Variants in CYTH4 observed in about 807,000 individuals in gnomAD.
The protein encoded by CYTH4 is cytohesin 4, also known as cytohesin-4.
A neutral mutation model predicts 57.5 loss-of-function variants in CYTH4; 22 were observed. The ratio of observed to expected loss-of-function variants is 0.38; its 90% confidence interval spans 0.27 to 0.55. The LOEUF (loss-of-function observed/expected upper bound fraction) is 0.55, where lower values mean the gene tolerates loss of function less well. Among genes scored for constraint, CYTH4 ranks in the 20% least tolerant of loss-of-function variants. The pLI is 0.74. For missense variants in CYTH4, 420 were observed against 535.6 expected, an observed-to-expected ratio of 0.78 and a Z score of 2.13; for synonymous variants, 186 against 206.5, an observed-to-expected ratio of 0.90 and a Z score of 0.85.
In CYTH4 at chr22:37,314,596, G is replaced by A. The variant is rs775341823; in HGVS notation, c.*1085G>A. On this transcript the variant is annotated 3_prime_UTR_variant, in exon 13 of 13. Transcript: ENST00000248901. ...GTCCCATGGTGATAAAGGGCAGCCC[G>A]GCGGGTCCCAGCATCTCGAGACCCT... 14 of 395,730 alleles carry A rather than the reference G, an allele frequency of 3.5e-5. No homozygotes were observed. Among genetic ancestry groups the A allele is most frequent in the African/African-American group, 2.5e-4 (12 of 48,692 alleles). 24.5% of individuals were successfully genotyped at this position (395,730 alleles called of 1,614,324 possible). A position where few individuals can be genotyped will look rare whatever the true frequency, so the allele number is the denominator to read the frequency against.
Position 37,314,377 on chromosome 22 carries a change from G to C in CYTH4, c.*866G>C. On this transcript the variant is annotated 3_prime_UTR_variant, in exon 13 of 13. Transcript: ENST00000248901. ...AGGTGGGACCCTCAAGAAAATGACG[G>C]AGAACATCCCAGACAGATGGGACTC... is the stretch of plus-strand genomic sequence containing the variant. 1 of 398,762 alleles carries C rather than the reference G, an allele frequency of 2.5e-6. No homozygotes were observed. The highest frequency in any genetic ancestry group is 2.1e-5 in the African/African-American group (1 of 48,752). The allele number at this position is 398,762 out of a possible 1,614,324, so 24.7% of individuals were successfully genotyped here.
chr22:37,296,316 G>A lies in CYTH4; in HGVS notation c.234+251G>A, dbSNP rs1928966570. The A allele has an allele frequency of 5.7e-6, 3 of 530,644 alleles. No individual in the cohort carries two copies. In the East Asian group the frequency reaches 1.0e-4, roughly 18 times the overall value. The allele number at this position is 530,644 out of a possible 1,614,324, so 32.9% of individuals were successfully genotyped here. ...GGAGGCCACGGTGTCCATGCACTTG[G>A]CCTAGTCCCTTCCCCACTCTGGGCC... On this transcript the variant is annotated intron_variant, in intron 4 of 12. Transcript: ENST00000248901.
intron 1 of CYTH4, 141 bp from the exon 2 acceptor site, chr22:37,292,479 CA>C (rs1760745347): frequency 5.3e-6 from 4 of 752,170 alleles, no homozygotes; most frequent in Non-Finnish European, 9.0e-6. Flanking sequence ...ACAGGGCAGT[CA>C]GGGGAGGCTT....
chr22:37,312,195 G>C (rs1601713208), intron 12 of CYTH4, 21 bp downstream of exon 12: 1 of 1,607,232 alleles, frequency 6.2e-7, no homozygotes. Context: ...CCCAGGTCTG[G>C]GGACGGCTTC....
rs2145857310 is a variant in CYTH4 at position 37,292,397 on chromosome 22, G to C, written c.20-224G>C. On this transcript the variant is annotated intron_variant, in intron 1 of 12. Coordinates refer to ENST00000248901, the MANE Select transcript of CYTH4 (RefSeq NM_013385.5). ...AGATGCAAGGAAACAGGATCCTTTT[G>C]GGGGTGTCTATCCAGGGGGGTGGGA... 3 of 537,748 alleles carry C rather than the reference G, an allele frequency of 5.6e-6. No individual in the cohort carries two copies. In the South Asian group the frequency reaches 7.7e-5, roughly 14 times the overall value. 33.3% of individuals were successfully genotyped at this position (537,748 alleles called of 1,614,324 possible). A position where few individuals can be genotyped will look rare whatever the true frequency, so the allele number is the denominator to read the frequency against.
intron 6 of CYTH4, chr22:37,300,156 C>T (rs965724777): frequency 1.3e-5 from 9 of 717,444 alleles, no homozygotes; most frequent in African/African-American, 7.0e-5. Flanking sequence ...AACTCAGATT[C>T]CGAGAAGGAG....
At chr22:37,285,718 C>G (rs1928534036) in intron 1 of CYTH4, among the ~76,000 whole-genome samples, 1 of 152,066 alleles carries the variant, frequency 6.6e-6, no homozygotes, top group Non-Finnish European at 1.5e-5. Flanking sequence ...CTCAAACAAA[C>G]AAACAAACAA....
At chr22:37,286,287 TCC>T (rs1340105999) in intron 1 of CYTH4, among the ~76,000 whole-genome samples, 3 of 152,110 alleles carry the variant, frequency 2.0e-5, no homozygotes, top group Non-Finnish European at 4.4e-5. Context: ...CAGATGTGAA[TCC>T]CAGCTCTGCC....
chr22:37,287,022 A>G (rs1928584696), intron 1 of CYTH4, among the ~76,000 whole-genome samples: 1 of 152,166 alleles, frequency 6.6e-6, no homozygotes, highest in Admixed American at 6.5e-5. Flanking sequence ...GGTGGGAGTC[A>G]GAGTGCCTCC....
At chr22:37,290,259 T>G (rs1165971571) in intron 1 of CYTH4, among the ~76,000 whole-genome samples, 1 of 152,188 alleles carries the variant, frequency 6.6e-6, no homozygotes, top group Non-Finnish European at 1.5e-5. Context: ...TGATGTCAAC[T>G]TGGATCCTGT....
intron 8 of CYTH4, among the ~76,000 whole-genome samples, chr22:37,303,627 C>T (rs1478462037): frequency 1.3e-5 from 2 of 152,158 alleles, no homozygotes; most frequent in Non-Finnish European, 2.9e-5. Context: ...GAAGGATGTC[C>T]GAGATAGACC....
chr22:37,297,742 G>A, intron 5 of CYTH4, 60 bp downstream of exon 5: 3 of 1,404,464 alleles, frequency 2.1e-6, no homozygotes, highest in Non-Finnish European at 3.0e-6. Context: ...GTGTACAGGT[G>A]TGTGGATGTG....
chr22:37,306,079 G>A (rs1267991187), intron 8 of CYTH4, among the ~76,000 whole-genome samples: 2 of 152,202 alleles, frequency 1.3e-5, no homozygotes, highest in Non-Finnish European at 2.9e-5. Context: ...TGCAAAGTGG[G>A]CTGATGATGC....
At chr22:37,313,340 A>G in intron 12 of CYTH4, 99 bp from the exon 13 acceptor site, 1 of 1,232,638 alleles carries the variant, frequency 8.1e-7, no homozygotes, top group Non-Finnish European at 1.2e-6. Flanking sequence ...GCAGGCTGAC[A>G]CCTCCCTGGG....
At chr22:37,310,899 G>C in intron 9 of CYTH4, 89 bp from the exon 10 acceptor site, 1 of 1,414,876 alleles carries the variant, frequency 7.1e-7, no homozygotes, top group Non-Finnish European at 9.9e-7. Context: ...GGGTCCAGGG[G>C]AAAGCATCCG....
At position 37,295,034 on chromosome 22, in the gene CYTH4, G is replaced by A. The variant is rs573128140; in HGVS notation, c.167+310G>A. ...TGGCCACATCCACCCTGGGATGGGC[G>A]GGGAGAAGGGAAGCTCAGCCCCAAG... On this transcript the variant is annotated intron_variant, in intron 3 of 12. Coordinates refer to ENST00000248901, the MANE Select transcript of CYTH4 (RefSeq NM_013385.5). This position sits in a 1 kb window ranked among gnomAD's most constrained non-coding sequence, Gnocchi z 4.1. Among the ~76,000 whole-genome samples the A allele has an allele frequency of 8.5e-3, 1,296 of 152,016 alleles. 10 individuals are homozygous for A. The highest frequency in any genetic ancestry group is 0.018 in the African/African-American group (757 of 41,450).
intron 9 of CYTH4, 62 bp downstream of exon 9, chr22:37,309,385 T>G: frequency 7.2e-7 from 1 of 1,397,940 alleles, no homozygotes; most frequent in Non-Finnish European, 1.0e-6. Flanking sequence ...GCACACATCG[T>G]TGCATGCACA....
At chr22:37,309,148 A>AGGCCT in intron 8 of CYTH4, 64 bp from the exon 9 acceptor site, 1 of 1,455,328 alleles carries the variant, frequency 6.9e-7, no homozygotes, top group Non-Finnish European at 9.6e-7. Flanking sequence ...AGGCCAGGCC[A>AGGCCT]GGCCTAGGCC....
At chr22:37,306,123 C>T (rs566639241) in intron 8 of CYTH4, among the ~76,000 whole-genome samples, 76 of 152,284 alleles carry the variant, frequency 5.0e-4, no homozygotes, top group African/African-American at 1.6e-3. Context: ...AGCTGTCAGG[C>T]GCCTGGCACT....
Sources: gnomAD v4.1 joint callset for allele counts (sites outside exome capture counted in the v4.1 genomes callset) on GRCh38, gnomAD v4.1.1 for gene constraint, Gnocchi (gnomAD v3.1) non-coding constraint, MANE v1.5 for transcripts, NCBI Gene and HGNC (gene_info 2026-07-23, HGNC 2026-07-21) for gene names.